Variants in C16orf46 observed in about 807,000 individuals in gnomAD.
C16orf46 encodes uncharacterized protein C16orf46.
A neutral mutation model predicts 5.5 loss-of-function variants in C16orf46; 7 were observed. That is an observed-to-expected ratio of 1.28 (90% CI 0.73 to 2.40). The LOEUF is 2.40. C16orf46 is among the 30% of genes most tolerant of loss of function. The pLI, the probability that C16orf46 is intolerant of heterozygous loss-of-function variation, is 0.00. For missense variants in C16orf46, 614 were observed against 476.0 expected, an observed-to-expected ratio of 1.29 and a Z score of -2.70; for synonymous variants, 200 against 184.1, an observed-to-expected ratio of 1.09 and a Z score of -0.70.
At chr16:81,062,177 G>A (rs369539406) in intron 3 of C16orf46, 39 bp from the exon 4 acceptor site, 44 of 1,509,614 alleles carry the variant, frequency 2.9e-5, no homozygotes, top group Non-Finnish European at 3.5e-5. Context: ...CAGCTGAGGG[G>A]CCCAAACTGT....
chr16:81,053,810 A>C (rs1045514213), exon 4 of C16orf46: 16 of 386,140 alleles, frequency 4.1e-5, no homozygotes, highest in South Asian at 9.7e-5. Flanking sequence ...TCAAAAGTAC[A>C]TATATTATAT....
chr16:81,056,635 G>T (rs1047694513), downstream of C16orf46, among the ~76,000 whole-genome samples: 5 of 148,540 alleles, frequency 3.4e-5, no homozygotes, highest in African/African-American at 1.3e-4. Flanking sequence ...GAGGGAGGTT[G>T]CAGTGAGCCA....
At chr16:81,072,588 T>A (rs969057348) in intron 1 of C16orf46, among the ~76,000 whole-genome samples, 2 of 152,334 alleles carry the variant, frequency 1.3e-5, no homozygotes, top group Middle Eastern at 3.4e-3. Context: ...TTCTTCATGT[T>A]GGTCAGGCTG....
chr16:81,076,214 G>A (rs1972035167), intron 1 of C16orf46, among the ~76,000 whole-genome samples: 1 of 152,196 alleles, frequency 6.6e-6, no homozygotes, highest in Admixed American at 6.5e-5. Context: ...CCTGAAGACT[G>A]ACCTGGGCAT....
At chr16:81,074,716 G>A (rs1305848690) in intron 1 of C16orf46, among the ~76,000 whole-genome samples, 3 of 152,004 alleles carry the variant, frequency 2.0e-5, no homozygotes, top group African/African-American at 7.2e-5. Context: ...CTGAGCTTGA[G>A]GTGAACTACA....
At chr16:81,057,534 G>A (rs1459873066), downstream of C16orf46, among the ~76,000 whole-genome samples, 1 of 61,370 alleles carries the variant, frequency 1.6e-5, no homozygotes, top group Non-Finnish European at 3.4e-5. Context: ...GGAAGACTCT[G>A]TCTCAAAAAA....
chr16:81,073,756 C>A (rs1193927674), intron 1 of C16orf46, among the ~76,000 whole-genome samples: 1 of 152,122 alleles, frequency 6.6e-6, no homozygotes. Context: ...GTGGGGGTCA[C>A]ATCCCAAGGA....
At position 81,061,672 on chromosome 16, in the gene C16orf46, C is replaced by T; in HGVS notation, c.677G>A (p.Gly226Asp). 1 of 1,614,166 alleles carries T rather than the reference C, an allele frequency of 6.2e-7. No individual in the cohort carries two copies. Among genetic ancestry groups the T allele is most frequent in the Non-Finnish European group, 8.5e-7 (1 of 1,180,036 alleles). Reference protein sequence around the residue: ...ASLSNALDVLGKKSKNSFLQS... With the variant: ...ASLSNALDVLDKKSKNSFLQS... ...CAAGAAAGAGTTCTTACTCTTCTTA[C>T]CCAGAACATCCAAAGCATTTGAAAG... is the stretch of plus-strand genomic sequence containing the variant. Residue 226 changes from glycine (G) to aspartate (D), a missense_variant, in exon 4 of 4, where the codon GGT (glycine) becomes GAT (aspartate). Physicochemically the swap from Gly to Asp is moderately conservative, Grantham distance 94. Transcript: ENST00000299578.
At chr16:81,071,675 G>A (rs1317775924) in intron 1 of C16orf46, among the ~76,000 whole-genome samples, 1 of 151,980 alleles carries the variant, frequency 6.6e-6, no homozygotes, top group African/African-American at 2.4e-5. Flanking sequence ...GGCCCCGGAG[G>A]GAGATCTTGT....
intron 1 of C16orf46, among the ~76,000 whole-genome samples, chr16:81,069,073 G>A (rs1187204375): frequency 1.1e-4 from 17 of 152,008 alleles, no homozygotes; most frequent in Admixed American, 1.1e-3. Context: ...GGTTAGAAAT[G>A]GACTTATAAA....
chr16:81,060,982 A>C lies in C16orf46; in HGVS notation c.*179T>G. 2 of 1,376,370 alleles carry C rather than the reference A, an allele frequency of 1.5e-6. No individual in the cohort carries two copies. The highest frequency in any genetic ancestry group is 1.9e-6 in the Non-Finnish European group (2 of 1,069,292). 85.3% of individuals were successfully genotyped at this position (1,376,370 alleles called of 1,614,324 possible). A position where few individuals can be genotyped will look rare whatever the true frequency, so the allele number is the denominator to read the frequency against. On this transcript the variant is annotated 3_prime_UTR_variant, in exon 4 of 4. Coordinates refer to ENST00000299578, the MANE Select transcript of C16orf46 (RefSeq NM_152337.3). The stretch of plus-strand genomic sequence containing the variant: ...GAAAATAAATCCCAACAATCCACTG[A>C]GGTTCAGTTTTCTTCAGTTGTACTA...
intron 3 of C16orf46, chr16:81,054,134 C>A: frequency 1.3e-6 from 2 of 1,593,646 alleles, no homozygotes; most frequent in Non-Finnish European, 1.7e-6. Context: ...AATGTAGAGC[C>A]CATGCTGCAA....
chr16:81,061,986 C>G lies in C16orf46; in HGVS notation c.363G>C (p.Gly121=), dbSNP rs906361568. Residue 121 remains glycine, a synonymous_variant, in exon 4 of 4, where the codon GGG becomes GGC. Coordinates refer to ENST00000299578, the MANE Select transcript of C16orf46 (RefSeq NM_152337.3). The part of the protein sequence containing the change: ...WSLQTKPPTE[G]GPEKDQSSPS... The stretch of plus-strand genomic sequence containing the variant: ...GGCTGCTCTGATCCTTCTCTGGGCC[C>G]CCCTCAGTAGGAGGCTTGGTCTGGA... 1 of 1,614,118 alleles carries G rather than the reference C, an allele frequency of 6.2e-7. No individual in the cohort carries two copies.
chr16:81,072,744 C>T (rs371261418), intron 1 of C16orf46, among the ~76,000 whole-genome samples: 70 of 152,082 alleles, frequency 4.6e-4, no homozygotes, highest in Non-Finnish European at 9.0e-4. Flanking sequence ...CTCTCTTGCC[C>T]AGGCTGGAGT....
At chr16:81,074,195 C>G (rs1971949376) in intron 1 of C16orf46, among the ~76,000 whole-genome samples, 1 of 152,174 alleles carries the variant, frequency 6.6e-6, no homozygotes, top group Non-Finnish European at 1.5e-5. Flanking sequence ...ATACAAATCT[C>G]AAGTTCCTCA....
rs373609189 is a variant in C16orf46, at chr16:81,055,107, A to G, written c.1144-1013T>C. On this transcript the variant is annotated intron_variant, in intron 3 of 3. Coordinates refer to the C16orf46 transcript ENST00000378611. ...TTCCTGAAATTTAGAGAAGTCAGTC[A>G]TGAGGATTTCGTTGAACAGCCAAAG... Among the ~76,000 whole-genome samples the G allele has an allele frequency of 4.6e-5, 7 of 152,366 alleles. No individual in the cohort carries two copies. In the East Asian group the frequency reaches 1.3e-3, roughly 29 times the overall value.
chr16:81,054,278 C>CAA (rs1345575273), intron 3 of C16orf46, among the ~76,000 whole-genome samples: 1 of 11,762 alleles, frequency 8.5e-5, no homozygotes, highest in African/African-American at 1.1e-4. Context: ...ACAACAACAA[C>CAA]AACAAAAAAA....
rs1423194348 is a variant in C16orf46 at position 81,061,798 on chromosome 16, T to C, written c.551A>G (p.Lys184Arg). 1 of 1,614,184 alleles carries C rather than the reference T, an allele frequency of 6.2e-7. No homozygotes were observed. The highest frequency in any genetic ancestry group is 1.7e-5 in the Admixed American group (1 of 60,036). ...CCCTCCACTGGGATTCCCAGAGGCCTTGCCCCTATTAGTGCCGGGGATGGC... is the reference window on the plus strand; with the variant it reads ...CCCTCCACTGGGATTCCCAGAGGCCCTGCCCCTATTAGTGCCGGGGATGGC... Reference protein sequence around the residue: ...DWAIPGTNRGKASGNPSGGAH... With the variant: ...DWAIPGTNRGRASGNPSGGAH... The change falls in exon 4 of 4, where the codon AAG becomes AGG. Residue 184 changes from lysine to arginine, a missense_variant. Transcript: ENST00000299578.
chr16:81,057,847 C>G (rs898887506), downstream of C16orf46: 1 of 153,254 alleles, frequency 6.5e-6, no homozygotes, highest in Non-Finnish European at 1.4e-5. Flanking sequence ...CTGGCTACCA[C>G]GGTGAAACCC....
Sources: gnomAD v4.1 joint callset for allele counts (sites outside exome capture counted in the v4.1 genomes callset) on GRCh38, gnomAD v4.1.1 for gene constraint, MANE v1.5 for transcripts, NCBI Gene and HGNC (gene_info 2026-07-23, HGNC 2026-07-21) for gene names.